The following CDKL4 variants were observed in gnomAD, a reference collection of about 807,000 sequenced individuals.
CDKL4 encodes the protein cyclin dependent kinase like 4, also known as cyclin-dependent kinase-like 4.
CDKL4 carries 44 observed loss-of-function variants against 42.0 expected under a neutral mutation model. The observed-to-expected ratio is 1.05, with a 90% CI of 0.82 to 1.35. The LOEUF (loss-of-function observed/expected upper bound fraction) is 1.35. CDKL4 is among the 40% of genes most tolerant of loss of function. The pLI is 0.00. For missense variants in CDKL4, 393 were observed against 369.9 expected, an observed-to-expected ratio of 1.06 and a Z score of -0.51; for synonymous variants, 120 against 121.6, an observed-to-expected ratio of 0.99 and a Z score of 0.09.
chr2:39,180,936 A>G (rs11124662), intron 8 of CDKL4, among the ~76,000 whole-genome samples: 135,771 of 152,222 alleles, frequency 0.89, 60,808 homozygotes, highest in Non-Finnish European at 0.94. Context: ...TGATCTGCCC[A>G]CCTCGGCCTC....
At chr2:39,188,195 C>T (rs1258020172) in intron 6 of CDKL4, among the ~76,000 whole-genome samples, 6 of 152,276 alleles carry the variant, frequency 3.9e-5, no homozygotes, top group Middle Eastern at 3.4e-3. Context: ...ATTCTGCAGA[C>T]GCATGCCTTC....
chr2:39,185,456 A>G (rs1346869192), intron 7 of CDKL4, among the ~76,000 whole-genome samples: 1 of 112,274 alleles, frequency 8.9e-6, no homozygotes, highest in African/African-American at 3.7e-5. Context: ...ATATATACAT[A>G]TGTGTATATA....
intron 9 of CDKL4, chr2:39,178,901 T>C (rs1675280861): frequency 1.4e-6 from 2 of 1,459,256 alleles, no homozygotes; most frequent in African/African-American, 1.4e-5. Flanking sequence ...TGTTATATTA[T>C]GGGTATACGA....
intron 8 of CDKL4, among the ~76,000 whole-genome samples, chr2:39,184,220 T>C (rs1675597563): frequency 6.6e-6 from 1 of 152,252 alleles, no homozygotes; most frequent in Non-Finnish European, 1.5e-5. Context: ...GTATACACAA[T>C]GTATGACAGG....
chr2:39,194,765 C>A (rs1026836129), intron 5 of CDKL4, among the ~76,000 whole-genome samples: 11 of 152,050 alleles, frequency 7.2e-5, no homozygotes, highest in African/African-American at 2.4e-4. Flanking sequence ...CTGTGTATAT[C>A]TATATATCTA....
chr2:39,178,130 AG>A, intron 9 of CDKL4, among the ~76,000 whole-genome samples: 1 of 152,326 alleles, frequency 6.6e-6, no homozygotes, highest in South Asian at 2.1e-4. Flanking sequence ...TAATAGCAAA[AG>A]GTAAAATGGC....
At chr2:39,233,724 T>C (rs1329009512) in intron 1 of CDKL4, among the ~76,000 whole-genome samples, 2 of 150,150 alleles carry the variant, frequency 1.3e-5, no homozygotes, top group African/African-American at 4.9e-5. Flanking sequence ...GAAAATCATT[T>C]ACAAAAAAAA....
the CDKL4 span, among the ~76,000 whole-genome samples, chr2:39,168,658 C>A: frequency 6.6e-6 from 1 of 150,684 alleles, no homozygotes. Context: ...TCACTTGAAC[C>A]CAGGAGGCGG....
At chr2:39,242,044 CTTTT>C (rs74579526) in intron 1 of CDKL4, among the ~76,000 whole-genome samples, 3 of 141,212 alleles carry the variant, frequency 2.1e-5, no homozygotes, top group African/African-American at 7.8e-5. Flanking sequence ...TTTCTTTTTC[CTTTT>C]TTTTTTTTTT....
At chr2:39,229,324 T>C in intron 2 of CDKL4, 41 bp downstream of exon 2, 1 of 1,381,338 alleles carries the variant, frequency 7.2e-7, no homozygotes, top group Non-Finnish European at 9.8e-7. Context: ...CATATTTCAC[T>C]CAATTCCATG....
Position 39,185,256 on chromosome 2 carries a change from G to A in CDKL4, c.736-609C>T, listed in dbSNP as rs1223120098. 7.8e-5 allele frequency among the ~76,000 whole-genome samples: 4 copies of A among 51,108 alleles called. 1 individual carries two copies. The highest frequency in any genetic ancestry group is 5.9e-4 in the Admixed American group (2 of 3,392). 33.5% of individuals were successfully genotyped at this position (51,108 alleles called of 152,430 possible). On this transcript the variant is annotated intron_variant, in intron 7 of 9. Transcript: ENST00000451199. ...CGTATATATACATATATACACATAT[G>A]TATATATACATATATATACACATAT...
chr2:39,195,639 T>A (rs1676466578), intron 5 of CDKL4, among the ~76,000 whole-genome samples: 1 of 150,440 alleles, frequency 6.6e-6, no homozygotes, highest in Non-Finnish European at 1.5e-5. Flanking sequence ...CATTTTTAAT[T>A]AATTTTTTTT....
At chr2:39,190,201 A>G in intron 6 of CDKL4, 104 bp downstream of exon 6, 2 of 819,754 alleles carry the variant, frequency 2.4e-6, no homozygotes, top group Non-Finnish European at 3.6e-6. Context: ...TGAAGAAGCA[A>G]TAAAACTCTT....
At chr2:39,209,153 T>A (rs1420639840) in intron 4 of CDKL4, among the ~76,000 whole-genome samples, 139 of 67,326 alleles carry the variant, frequency 2.1e-3, no homozygotes, top group Middle Eastern at 0.011. Context: ...AAAAAAAATT[T>A]TTTTTTTAAA....
chr2:39,188,578 AAAAAAAAAAAAAG>A (rs1251107533), intron 6 of CDKL4, among the ~76,000 whole-genome samples: 4 of 150,996 alleles, frequency 2.6e-5, no homozygotes, highest in Admixed American at 6.6e-5. Flanking sequence ...AAAAAAAAAA[AAAAAAAAAAAAAG>A]ACAAGGTGAG....
At chr2:39,223,125 G>C (rs566106172) in intron 3 of CDKL4, among the ~76,000 whole-genome samples, 1 of 152,102 alleles carries the variant, frequency 6.6e-6, no homozygotes, top group South Asian at 2.1e-4. Context: ...TTGTTCTAAA[G>C]CATGCTCTCT....
At chr2:39,191,399 T>C (rs1676175640) in intron 5 of CDKL4, among the ~76,000 whole-genome samples, 1 of 151,832 alleles carries the variant, frequency 6.6e-6, no homozygotes, top group Non-Finnish European at 1.5e-5. Context: ...AACTCACACA[T>C]ATACAAAAAA....
At chr2:39,240,115 C>T (rs770489886) in intron 1 of CDKL4, among the ~76,000 whole-genome samples, 7 of 140,264 alleles carry the variant, frequency 5.0e-5, no homozygotes, top group Non-Finnish European at 1.1e-4. Context: ...ACAAATTTAA[C>T]TTAAAAATTA....
At chr2:39,232,797 G>A (rs576765199) in intron 1 of CDKL4, among the ~76,000 whole-genome samples, 2 of 152,188 alleles carry the variant, frequency 1.3e-5, no homozygotes, top group South Asian at 4.2e-4. Context: ...TGTAATCCCG[G>A]CACTTTGGGA....
Sources: gnomAD v4.1 joint callset for allele counts (sites outside exome capture counted in the v4.1 genomes callset) on GRCh38, gnomAD v4.1.1 for gene constraint, MANE v1.5 for transcripts, NCBI Gene and HGNC (gene_info 2026-07-23, HGNC 2026-07-21) for gene names.